The following HSPA12A variants were observed in gnomAD, a reference collection of about 807,000 sequenced individuals.
HSPA12A encodes the protein heat shock protein family A (Hsp70) member 12A.
Under a neutral mutation model 69.2 loss-of-function variants are expected in HSPA12A, and 28 were observed. That is an observed-to-expected ratio of 0.40 (90% CI 0.30 to 0.55). The LOEUF (loss-of-function observed/expected upper bound fraction) is 0.55. Among genes scored for constraint, HSPA12A ranks in the 20% least tolerant of loss-of-function variants. The pLI is 0.38. For synonymous variants in HSPA12A, 345 were observed against 370.5 expected (o/e 0.93, Z 0.79); for missense variants, 686 against 900.7 (o/e 0.76, Z 3.05).
intron 1 of HSPA12A, among the ~76,000 whole-genome samples, chr10:116,731,497 C>T (rs531522056): frequency 6.6e-6 from 1 of 152,348 alleles, no homozygotes; most frequent in African/African-American, 2.4e-5. Flanking sequence ...ACCAGAAGAA[C>T]ACACCAAGAG....
Position 116,714,707 on chromosome 10 carries a change from C to A in HSPA12A, c.41-7422G>T, listed in dbSNP as rs372860592. On this transcript the variant is annotated intron_variant, in intron 1 of 11. Coordinates refer to ENST00000369209, the MANE Select transcript of HSPA12A (RefSeq NM_025015.3). ...GCAATAAAGTCCAGCACACTACTGA[C>A]CCCAGGCTCTTCTAAGTCCACCCCA... is the stretch of plus-strand genomic sequence containing the variant. 2.2e-4 allele frequency among the ~76,000 whole-genome samples: 34 copies of A among 152,332 alleles called. No individual in the cohort carries two copies. In the South Asian group the frequency reaches 6.0e-3, roughly 27 times the overall value.
chr10:116,828,996 A>G (rs1845561757), intron 2 of HSPA12A: 1 of 152,188 alleles, frequency 6.6e-6, no homozygotes, highest in Admixed American at 6.5e-5. Context: ...TGCTGTCAGA[A>G]TGTTGCATTT....
At chr10:116,778,903 C>T (rs190905934) in intron 2 of HSPA12A, among the ~76,000 whole-genome samples, 3 of 152,148 alleles carry the variant, frequency 2.0e-5, no homozygotes, top group Admixed American at 6.5e-5. Context: ...CCATTGCACT[C>T]GCAGTGGGGA....
At chr10:116,747,602 G>A (rs1851677212) in intron 2 of HSPA12A, among the ~76,000 whole-genome samples, 1 of 152,194 alleles carries the variant, frequency 6.6e-6, no homozygotes, top group Non-Finnish European at 1.5e-5. Context: ...TTCATGTTAT[G>A]GAGAAAAACA....
At chr10:116,802,393 C>A (rs978270569) in intron 2 of HSPA12A, among the ~76,000 whole-genome samples, 10 of 152,108 alleles carry the variant, frequency 6.6e-5, no homozygotes, top group African/African-American at 1.9e-4. Flanking sequence ...TAGGAAGATC[C>A]CATTTCCCTA....
At chr10:116,784,376 T>C (rs1554892116) in intron 2 of HSPA12A, among the ~76,000 whole-genome samples, 2 of 152,270 alleles carry the variant, frequency 1.3e-5, no homozygotes, top group African/African-American at 4.8e-5. Flanking sequence ...CTGATTTCTC[T>C]GTTCTGCAGA....
rs573726042 is a variant in HSPA12A at position 116,695,027 on chromosome 10, G to T, written c.547-2560C>A. 2.6e-5 allele frequency among the ~76,000 whole-genome samples: 4 copies of T among 152,004 alleles called. No homozygotes were observed. In the East Asian group the frequency reaches 7.8e-4, roughly 30 times the overall value. ...CTGTCCCCTTGTCCCCTTACTGGTG[G>T]AATACTGTTTGCCCAGAACCCACTC... On this transcript the variant is annotated intron_variant, in intron 5 of 11. Transcript: ENST00000369209.
intron 2 of HSPA12A, among the ~76,000 whole-genome samples, chr10:116,775,968 T>G (rs782368241): frequency 1.3e-5 from 2 of 152,182 alleles, no homozygotes; most frequent in Non-Finnish European, 2.9e-5. Context: ...GAAGTTAATG[T>G]GGCCTCACGT....
chr10:116,785,800 G>C (rs1364365500), intron 2 of HSPA12A, among the ~76,000 whole-genome samples: 1 of 152,076 alleles, frequency 6.6e-6, no homozygotes, highest in African/African-American at 2.4e-5. Context: ...CAGAAGCCAG[G>C]CACCCACTTG....
intron 2 of HSPA12A, chr10:116,750,105 T>G: frequency 2.1e-6 from 1 of 466,456 alleles, no homozygotes. Flanking sequence ...TATGCCTGTA[T>G]GGAAGGGGAT....
At chr10:116,806,242 C>A (rs1845064835) in intron 2 of HSPA12A, among the ~76,000 whole-genome samples, 1 of 152,134 alleles carries the variant, frequency 6.6e-6, no homozygotes. Flanking sequence ...TCACTCTTGC[C>A]CGGGATGGAG....
chr10:116,787,440 C>CAAAAA (rs776783179), intron 2 of HSPA12A, among the ~76,000 whole-genome samples: 8 of 68,596 alleles, frequency 1.2e-4, no homozygotes, highest in East Asian at 4.3e-4. Context: ...CTCTAGCCAG[C>CAAAAA]AAAAAAAAAA....
intron 3 of HSPA12A, among the ~76,000 whole-genome samples, chr10:116,704,374 A>G (rs1465663881): frequency 8.6e-5 from 13 of 151,256 alleles, no homozygotes; most frequent in Non-Finnish European, 1.8e-4. Context: ...AAAACCAAAC[A>G]CCGCATGTTC....
At chr10:116,749,144 G>T (rs1399325957) in intron 2 of HSPA12A, among the ~76,000 whole-genome samples, 1 of 152,152 alleles carries the variant, frequency 6.6e-6, no homozygotes, top group Admixed American at 6.5e-5. Flanking sequence ...TAAGAGCCAA[G>T]GGTTTCACGT....
At chr10:116,753,199 C>G (rs1843749499) in intron 2 of HSPA12A, among the ~76,000 whole-genome samples, 1 of 152,164 alleles carries the variant, frequency 6.6e-6, no homozygotes, top group Admixed American at 6.5e-5. Context: ...ATTCCATGAT[C>G]CTGCAGGGCA....
At chr10:116,755,506 G>A (rs1448640117) in intron 2 of HSPA12A, among the ~76,000 whole-genome samples, 1 of 151,478 alleles carries the variant, frequency 6.6e-6, no homozygotes, top group East Asian at 2.0e-4. Flanking sequence ...CAGATACTTA[G>A]GGGGCTGAAG....
At chr10:116,828,691 G>C (rs137894335) in intron 2 of HSPA12A, 1 of 152,330 alleles carries the variant, frequency 6.6e-6, no homozygotes, top group African/African-American at 2.4e-5. Flanking sequence ...ATTAAACCAC[G>C]TGCAGGGCCT....
chr10:116,743,710 C>A (rs2133074363), upstream of HSPA12A, among the ~76,000 whole-genome samples: 1 of 150,520 alleles, frequency 6.6e-6, no homozygotes, highest in Admixed American at 6.6e-5. Flanking sequence ...GCTGCGAGAG[C>A]GTTATGGATG....
intron 1 of HSPA12A, among the ~76,000 whole-genome samples, chr10:116,843,575 G>T (rs986214250): frequency 2.2e-4 from 33 of 152,134 alleles, no homozygotes; most frequent in Non-Finnish European, 2.5e-4. Context: ...TCACACAAGT[G>T]GGAACTGGAA....
Sources: allele counts gnomAD v4.1 joint callset (sites outside exome capture counted in the v4.1 genomes callset), GRCh38; gene constraint gnomAD v4.1.1; transcripts MANE v1.5; gene names NCBI Gene and HGNC (gene_info 2026-07-23, HGNC 2026-07-21).